GRM7: variants seen among roughly 807,000 people sequenced by gnomAD.
GRM7 encodes glutamate metabotropic receptor 7, also known as metabotropic glutamate receptor 7.
GRM7 carries 35 observed loss-of-function variants against 84.5 expected under a neutral mutation model. The ratio of observed to expected loss-of-function variants is 0.41; its 90% CI spans 0.32 to 0.55. The LOEUF (loss-of-function observed/expected upper bound fraction) is 0.55, where lower values mean the gene tolerates loss of function less well. GRM7 is among the 20% of genes least tolerant of loss of function. The pLI is 0.19. For synonymous variants in GRM7, 487 were observed against 455.1 expected, an observed-to-expected ratio of 1.07 and a Z score of -0.89; for missense variants, 1,003 against 1,194.6, an observed-to-expected ratio of 0.84 and a Z score of 2.36.
intron 7 of GRM7, among the ~76,000 whole-genome samples, chr3:7,513,371 C>T (rs940642451): frequency 1.3e-5 from 2 of 152,144 alleles, no homozygotes; most frequent in African/African-American, 4.8e-5. Context: ...CATTACAGCA[C>T]TTTAACAGTG....
intron 2 of GRM7, among the ~76,000 whole-genome samples, chr3:7,192,734 T>A (rs922498797): frequency 1.4e-4 from 21 of 152,178 alleles, no homozygotes; most frequent in East Asian, 1.2e-3. Context: ...AATATTCTTT[T>A]ATTTCTCACC....
intron 8 of GRM7, among the ~76,000 whole-genome samples, chr3:7,674,551 G>A (rs1700054083): frequency 6.6e-6 from 1 of 152,138 alleles, no homozygotes; most frequent in Admixed American, 6.5e-5. Context: ...TTATGGGATG[G>A]CTAAATCAAG....
chr3:7,268,699 A>G (rs1448026002), intron 2 of GRM7, among the ~76,000 whole-genome samples: 1 of 152,176 alleles, frequency 6.6e-6, no homozygotes, highest in Non-Finnish European at 1.5e-5. Context: ...GTTGTTTCAG[A>G]TTTCCCGTCC....
In GRM7 at chr3:7,693,769, G is replaced by A. The variant is rs538605195; in HGVS notation, c.2698+13474G>A. ...CCAATGAACTTAATGATGAGTGAAA[G>A]AGACCTTATCCTGTTTGCATGAGTT... On this transcript the variant is annotated intron_variant, in intron 9 of 9. Coordinates refer to ENST00000357716, the MANE Select transcript of GRM7 (RefSeq NM_000844.4). 4.8e-5 allele frequency: 40 copies of A among 828,526 alleles called. No individual in the cohort carries two copies. The African/African-American group carries it at 5.8e-4, about 12-fold the overall frequency. 51.3% of individuals were successfully genotyped at this position (828,526 alleles called of 1,614,324 possible). A position where few individuals can be genotyped will look rare whatever the true frequency, so the allele number is the denominator to read the frequency against.
intron 2 of GRM7, among the ~76,000 whole-genome samples, chr3:7,257,818 T>G (rs1288132397): frequency 6.6e-6 from 1 of 152,212 alleles, no homozygotes; most frequent in Non-Finnish European, 1.5e-5. Context: ...TCCTTGGTCC[T>G]TCTGAGATAT....
Position 7,243,540 on chromosome 3 carries a change from C to T in GRM7, c.737-55144C>T, listed in dbSNP as rs139394867. Among the ~76,000 whole-genome samples, 972 of 152,222 alleles carry T rather than the reference C, an allele frequency of 6.4e-3. 1 individual carries two copies. The highest frequency in any genetic ancestry group is 0.013 in the Admixed American group (200 of 15,268). On this transcript the variant is annotated intron_variant, in intron 2 of 9. Coordinates refer to ENST00000357716, the MANE Select transcript of GRM7 (RefSeq NM_000844.4). ...TCCTAGAGTTTCTATAAAAACTCTT[C>T]TGACATCTCATTGGTTCTGAATGGG... is the stretch of plus-strand genomic sequence containing the variant.
At chr3:7,237,882 A>G (rs1697404949) in intron 2 of GRM7, among the ~76,000 whole-genome samples, 1 of 152,186 alleles carries the variant, frequency 6.6e-6, no homozygotes, top group Admixed American at 6.5e-5. Flanking sequence ...ACAAACCTTT[A>G]GCTAGACACA....
In GRM7 at chr3:7,299,335, A is replaced by G. The variant is rs114359626; in HGVS notation, c.878+510A>G. ...CTTTGCTTTTTTCCTGGTTCCTTGT[A>G]TTGTTGGCCAAGCCACATAGAAACA... On this transcript the variant is annotated intron_variant, in intron 3 of 9. Transcript: ENST00000357716. Among the ~76,000 whole-genome samples, 1,039 of 152,212 alleles carry G rather than the reference A, an allele frequency of 6.8e-3. 8 individuals are homozygous for G. Among genetic ancestry groups the G allele is most frequent in the Middle Eastern group, 0.017 (5 of 294 alleles).
At chr3:6,893,048 C>T (rs1696030317) in intron 1 of GRM7, 1 of 151,964 alleles carries the variant, frequency 6.6e-6, no homozygotes, top group Admixed American at 6.6e-5. Flanking sequence ...TTGATTTTTT[C>T]CTAGATGAAG....
chr3:7,175,197 A>G (rs1695106022), intron 2 of GRM7, among the ~76,000 whole-genome samples: 1 of 152,252 alleles, frequency 6.6e-6, no homozygotes, highest in Non-Finnish European at 1.5e-5. Flanking sequence ...TAACTTTCCT[A>G]CATTCTGCTA....
At chr3:7,284,300 GTGTGTGTGTGTGTATA>G (rs1699352429) in intron 2 of GRM7, among the ~76,000 whole-genome samples, 2 of 126,780 alleles carry the variant, frequency 1.6e-5, no homozygotes, top group Non-Finnish European at 3.5e-5. Flanking sequence ...GTGTGTGTGT[GTGTGTGTGTGTGTATA>G]TACATGAGCT....
At chr3:7,221,136 A>C (rs1696788412) in intron 2 of GRM7, among the ~76,000 whole-genome samples, 1 of 152,132 alleles carries the variant, frequency 6.6e-6, no homozygotes, top group South Asian at 2.1e-4. Flanking sequence ...AAACAAACAA[A>C]AAAACACAAA....
rs1206362288 is a variant in GRM7, at chr3:6,924,378, A to G, written c.519+62471A>G. ...CAGGAGACAGATGATGTATAATTTC[A>G]GTAGTTCTTAACTTTGGCTATAGAT... On this transcript the variant is annotated intron_variant, in intron 1 of 9. Coordinates refer to ENST00000357716, the MANE Select transcript of GRM7 (RefSeq NM_000844.4). 2.6e-5 allele frequency among the ~76,000 whole-genome samples: 4 copies of G among 152,206 alleles called. No individual in the cohort carries two copies. The East Asian group carries it at 7.7e-4, about 29-fold the overall frequency.
At chr3:7,285,587 T>C (rs1699403185) in intron 2 of GRM7, among the ~76,000 whole-genome samples, 1 of 152,122 alleles carries the variant, frequency 6.6e-6, no homozygotes, top group South Asian at 2.1e-4. Flanking sequence ...GGATAAAATG[T>C]TGCATGTTAC....
At chr3:7,202,143 G>A (rs1696088876) in intron 2 of GRM7, among the ~76,000 whole-genome samples, 1 of 151,898 alleles carries the variant, frequency 6.6e-6, no homozygotes, top group Admixed American at 6.6e-5. Flanking sequence ...TCAAATTAAA[G>A]GCTATTTTCA....
intron 1 of GRM7, among the ~76,000 whole-genome samples, chr3:6,889,654 T>C (rs1695852566): frequency 6.6e-6 from 1 of 152,326 alleles, no homozygotes; most frequent in Admixed American, 6.5e-5. Flanking sequence ...TTGAGGATTT[T>C]TGCATCAATG....
At chr3:7,730,157 A>G (rs1285422648) in intron 9 of GRM7, among the ~76,000 whole-genome samples, 7 of 149,980 alleles carry the variant, frequency 4.7e-5, no homozygotes, top group Admixed American at 4.0e-4. Flanking sequence ...ACAGGCGCCC[A>G]CCACCACACC....
intron 2 of GRM7, among the ~76,000 whole-genome samples, chr3:7,177,392 T>C (rs188420559): frequency 6.6e-6 from 1 of 152,296 alleles, no homozygotes; most frequent in East Asian, 1.9e-4. Flanking sequence ...TATGTTGAAG[T>C]CATCTTGTAT....
chr3:7,065,744 G>A (rs946507605), intron 1 of GRM7, among the ~76,000 whole-genome samples: 3 of 151,796 alleles, frequency 2.0e-5, no homozygotes, highest in Non-Finnish European at 4.4e-5. Context: ...GTGGTCTTCA[G>A]ATGGAGATTG....
Sources: allele counts gnomAD v4.1 joint callset (sites outside exome capture counted in the v4.1 genomes callset), GRCh38; gene constraint gnomAD v4.1.1; transcripts MANE v1.5; gene names NCBI Gene and HGNC (gene_info 2026-07-23, HGNC 2026-07-21).